Variants in LUM observed in about 807,000 individuals in gnomAD.
LUM encodes lumican, also known as KSPG lumican.
A neutral mutation model predicts 20.5 loss-of-function variants in LUM; 13 were observed. That is an observed-to-expected ratio of 0.63 (90% confidence interval 0.41 to 1.01). The LOEUF (loss-of-function observed/expected upper bound fraction) is 1.01. Ranked by LOEUF, LUM falls within the 50% of genes least tolerant of loss-of-function variation. The pLI is 0.00. For synonymous variants in LUM, 173 were observed against 151.5 expected (o/e 1.14, Z -1.04); for missense variants, 321 against 391.1 (o/e 0.82, Z 1.51).
In LUM at chr12:91,104,786, A is replaced by G. The variant is rs552906684; in HGVS notation, c.863-467T>C. ...TTTCTAGCAACCACATACCATGACC[A>G]TGATAAAAATTCCAAGACAAAAACC... On this transcript the variant is annotated intron_variant, in intron 2 of 2. Transcript: ENST00000266718. 7.2e-5 allele frequency among the ~76,000 whole-genome samples: 11 copies of G among 152,338 alleles called. No individual in the cohort carries two copies. In the East Asian group the frequency reaches 7.7e-4, roughly 11 times the overall value.
intron 2 of LUM, among the ~76,000 whole-genome samples, chr12:91,106,793 A>G (rs761711159): frequency 1.3e-5 from 2 of 151,442 alleles, no homozygotes; most frequent in Non-Finnish European, 2.9e-5. Flanking sequence ...GCCACACACC[A>G]TAACAGAGAT....
chr12:91,104,768 C>A (rs1879994932), intron 2 of LUM, among the ~76,000 whole-genome samples: 1 of 152,092 alleles, frequency 6.6e-6, no homozygotes, highest in African/African-American at 2.4e-5. Context: ...AATTTTCTAG[C>A]AACCACATAC....
intron 1 of LUM, among the ~76,000 whole-genome samples, chr12:91,109,935 T>C (rs755948482): frequency 6.6e-6 from 1 of 152,182 alleles, no homozygotes; most frequent in Non-Finnish European, 1.5e-5. Flanking sequence ...GTGATGTTTT[T>C]AAAGTTTGGA....
Position 91,111,442 on chromosome 12 carries a change from A to C in LUM, c.-66T>G, listed in dbSNP as rs1421737040. On this transcript the variant is annotated 5_prime_UTR_variant, in exon 1 of 3. Coordinates refer to ENST00000266718, the MANE Select transcript of LUM (RefSeq NM_002345.4). ...TTTCGTTAATTCTTAAAGCAGATGC[A>C]CTATGGACAAGAATCCACCAATATA... 6.6e-6 allele frequency: 1 copy of C among 151,160 alleles called. No homozygotes were observed. The highest frequency in any genetic ancestry group is 1.5e-5 in the Non-Finnish European group (1 of 67,852). The allele number at this position is 151,160 out of a possible 1,614,324, so 9.4% of individuals were successfully genotyped here. A position where few individuals can be genotyped will look rare whatever the true frequency, so the allele number is the denominator to read the frequency against.
At chr12:91,107,057 A>G (rs995673806) in intron 2 of LUM, among the ~76,000 whole-genome samples, 1 of 150,488 alleles carries the variant, frequency 6.6e-6, no homozygotes, top group Non-Finnish European at 1.5e-5. Flanking sequence ...GAGGTGGGAG[A>G]ATCGCCTGAG....
rs1879959507 is a variant in LUM at position 91,103,594 on chromosome 12, A to T, written c.*571T>A. On this transcript the variant is annotated 3_prime_UTR_variant, in exon 3 of 3. Transcript: ENST00000266718. Reference sequence around the variant, plus strand: ...TTGCTAGTAGCTTATTAAACATAACATGCAAATAATCAAAGAGAAACATAC... The same window carrying T: ...TTGCTAGTAGCTTATTAAACATAACTTGCAAATAATCAAAGAGAAACATAC... 6.6e-6 allele frequency: 1 copy of T among 152,204 alleles called. No homozygotes were observed. The highest frequency in any genetic ancestry group is 2.1e-4 in the South Asian group (1 of 4,838). 9.4% of individuals were successfully genotyped at this position (152,204 alleles called of 1,614,324 possible).
In LUM at chr12:91,108,106, C is replaced by A; in HGVS notation, c.862+12G>T. The A allele has an allele frequency of 6.2e-7, 1 of 1,613,696 alleles. No individual in the cohort carries two copies. Among genetic ancestry groups the A allele is most frequent in the African/African-American group, 1.3e-5 (1 of 75,010 alleles). Reference sequence around the variant, plus strand: ...GAGCACACATCAAACACAGGAACAGCTTTTTACTTACTCTCAAGTTGATTG... The same window carrying A: ...GAGCACACATCAAACACAGGAACAGATTTTTACTTACTCTCAAGTTGATTG... On this transcript the variant is annotated intron_variant, in intron 2 of 2. Transcript: ENST00000266718. The surrounding 1 kb of genome is among the most constrained non-coding windows in gnomAD (Gnocchi z 4.2).
chr12:91,107,251 GA>G (rs1232300931), intron 2 of LUM, among the ~76,000 whole-genome samples: 9 of 23,388 alleles, frequency 3.8e-4, no homozygotes, highest in African/African-American at 9.6e-4. Context: ...AAGAAAGAAA[GA>G]AAGAAAGAAA....
In LUM at chr12:91,104,391, GT is replaced by G. The variant is rs1879984654; in HGVS notation, c.863-73del. 2.9e-6 allele frequency: 3 copies of G among 1,031,930 alleles called. No individual in the cohort carries two copies. In the South Asian group the frequency reaches 4.5e-5, roughly 16 times the overall value. 63.9% of individuals were successfully genotyped at this position (1,031,930 alleles called of 1,614,324 possible). A position where few individuals can be genotyped will look rare whatever the true frequency, so the allele number is the denominator to read the frequency against. ...GCTCAAAACAATACAAAAAATTTAT[GT>G]TTAATATATTATAAAATAGGACCTC... On this transcript the variant is annotated intron_variant, in intron 2 of 2. Transcript: ENST00000266718.
Position 91,108,100 on chromosome 12 carries a change from G to C in LUM, c.862+18C>G. 1 of 1,613,344 alleles carries C rather than the reference G, an allele frequency of 6.2e-7. No individual in the cohort carries two copies. Among genetic ancestry groups the C allele is most frequent in the East Asian group, 2.2e-5 (1 of 44,848 alleles). ...ACACTTGAGCACACATCAAACACAG[G>C]AACAGCTTTTTACTTACTCTCAAGT... On this transcript the variant is annotated intron_variant, in intron 2 of 2. Coordinates refer to ENST00000266718, the MANE Select transcript of LUM (RefSeq NM_002345.4). This position sits in a 1 kb window ranked among gnomAD's most constrained non-coding sequence, Gnocchi z 4.2.
Position 91,108,773 on chromosome 12 carries a change from C to T in LUM, c.207G>A (p.Lys69=), listed in dbSNP as rs748011213. 6.2e-7 allele frequency: 1 copy of T among 1,614,058 alleles called. No individual in the cohort carries two copies. The highest frequency in any genetic ancestry group is 2.2e-5 in the East Asian group (1 of 44,848). Residue 69 remains lysine (K), a synonymous_variant, in exon 2 of 3, where the codon AAG becomes AAA. Transcript: ENST00000266718. The surrounding 1 kb of genome is among the most constrained non-coding windows in gnomAD (Gnocchi z 4.2). Reference sequence around the variant, plus strand: ...TCTGGTTATTCCTAAGGTAAAGATACTTGATTCCAGGAGGCACCATTGGTA... The same window carrying T: ...TCTGGTTATTCCTAAGGTAAAGATATTTGATTCCAGGAGGCACCATTGGTA... The part of the protein sequence containing the change: ...KSVPMVPPGI[K]YLYLRNNQID...
At chr12:91,106,324 A>G (rs145490848) in intron 2 of LUM, among the ~76,000 whole-genome samples, 2 of 152,290 alleles carry the variant, frequency 1.3e-5, no homozygotes, top group East Asian at 3.9e-4. Context: ...CAAATTCAAT[A>G]GATTATTTTG....
chr12:91,109,158 A>T (rs531215350), intron 1 of LUM, among the ~76,000 whole-genome samples, 158 bp from the exon 2 acceptor site: 1 of 152,280 alleles, frequency 6.6e-6, no homozygotes, highest in East Asian at 1.9e-4. Context: ...TTATTTAGGT[A>T]TGAGGACAAA....
At chr12:91,104,757 G>A (rs1007272076) in intron 2 of LUM, among the ~76,000 whole-genome samples, 3 of 152,164 alleles carry the variant, frequency 2.0e-5, no homozygotes. Context: ...GATCTATAAA[G>A]AATTTTCTAG....
chr12:91,109,741 G>T (rs919445325), intron 1 of LUM, among the ~76,000 whole-genome samples: 13 of 152,174 alleles, frequency 8.5e-5, no homozygotes, highest in Non-Finnish European at 1.6e-4. Context: ...CATTCTGAAG[G>T]TTTCTCTTTC....
At chr12:91,109,130 A>G in intron 1 of LUM, 130 bp from the exon 2 acceptor site, 1 of 685,264 alleles carries the variant, frequency 1.5e-6, no homozygotes, top group East Asian at 2.7e-5. Flanking sequence ...AGTGCATCTA[A>G]CAGCGTCTTT....
At chr12:91,110,802 A>G (rs988249892) in intron 1 of LUM, among the ~76,000 whole-genome samples, 1 of 152,164 alleles carries the variant, frequency 6.6e-6, no homozygotes, top group Admixed American at 6.5e-5. Flanking sequence ...ACCTGTGGCT[A>G]TAGAGAAAAT....
intron 1 of LUM, among the ~76,000 whole-genome samples, chr12:91,109,710 G>A (rs1211152708): frequency 6.6e-6 from 1 of 152,170 alleles, no homozygotes; most frequent in Non-Finnish European, 1.5e-5. Flanking sequence ...AATTGCTAAT[G>A]TTTATCAGGA....
chr12:91,108,530 T>G lies in LUM; in HGVS notation c.450A>C (p.Thr150=), dbSNP rs1395110066. 3.1e-6 allele frequency: 5 copies of G among 1,612,046 alleles called. No individual in the cohort carries two copies. Among genetic ancestry groups the G allele is most frequent in the Non-Finnish European group, 4.2e-6 (5 of 1,178,486 alleles). Residue 150 remains threonine (T), a synonymous_variant, in exon 2 of 3, where the codon ACA becomes ACC. Coordinates refer to ENST00000266718, the MANE Select transcript of LUM (RefSeq NM_002345.4). The surrounding 1 kb of genome is among the most constrained non-coding windows in gnomAD (Gnocchi z 4.2). ...CCAATCCTTCAAAAGAGCCCAGCTT[T>G]GTGATCTTGTTATGAGTAAGCTGCA... The part of the protein sequence containing the change: ...EDLQLTHNKI[T]KLGSFEGLVN...
Sources: allele counts gnomAD v4.1 joint callset (sites outside exome capture counted in the v4.1 genomes callset), GRCh38; gene constraint gnomAD v4.1.1; non-coding constraint Gnocchi (gnomAD v3.1); transcripts MANE v1.5; gene names NCBI Gene and HGNC (gene_info 2026-07-23, HGNC 2026-07-21).